SLC24A4: variants seen among roughly 807,000 people sequenced by gnomAD.
SLC24A4 encodes the protein sodium/potassium/calcium exchanger 4.
Under a neutral mutation model 79.0 loss-of-function variants are expected in SLC24A4, and 53 were observed. The observed-to-expected ratio is 0.67, with a 90% confidence interval of 0.54 to 0.84. The LOEUF (loss-of-function observed/expected upper bound fraction) is 0.84. Among genes scored for constraint, SLC24A4 ranks in the 40% least tolerant of loss-of-function variants. The pLI, the probability that SLC24A4 is intolerant of heterozygous loss-of-function variation, is 0.00. For synonymous variants in SLC24A4, 323 were observed against 323.8 expected, an observed-to-expected ratio of 1.00 and a Z score of 0.03; for missense variants, 731 against 822.0, an observed-to-expected ratio of 0.89 and a Z score of 1.35.
intron 2 of SLC24A4, among the ~76,000 whole-genome samples, chr14:92,382,857 G>T (rs1222127561): frequency 6.6e-6 from 1 of 152,196 alleles, no homozygotes; most frequent in African/African-American, 2.4e-5. Context: ...CCCTCCAGTG[G>T]CAGGCACAGG....
intron 5 of SLC24A4, 95 bp downstream of exon 5, chr14:92,442,268 T>G: frequency 1.1e-6 from 1 of 950,190 alleles, no homozygotes; most frequent in Non-Finnish European, 1.6e-6. Context: ...GCCTCAGTTT[T>G]CTCATCTGTA....
At chr14:92,412,722 T>C (rs1379393432) in intron 2 of SLC24A4, among the ~76,000 whole-genome samples, 1 of 152,070 alleles carries the variant, frequency 6.6e-6, no homozygotes, top group Non-Finnish European at 1.5e-5. Context: ...TCTGTTTCCA[T>C]GTTACTTCAA....
At chr14:92,408,495 G>A (rs1232852094) in intron 2 of SLC24A4, 1 of 920,180 alleles carries the variant, frequency 1.1e-6, no homozygotes, top group Non-Finnish European at 1.3e-6. Context: ...TGATGGCTGT[G>A]AGGAGTGAGC....
At chr14:92,420,947 A>G (rs12147406) in intron 2 of SLC24A4, among the ~76,000 whole-genome samples, 32,215 of 151,962 alleles carry the variant, frequency 0.21, 3,797 homozygotes, top group Non-Finnish European at 0.25. Context: ...CTACCTGAGA[A>G]TGGGTCCTGG....
Position 92,445,459 on chromosome 14 carries a change from C to T in SLC24A4, c.683+117C>T, listed in dbSNP as rs75378742. ...ATTTTTATAAACTTAAGCTTATTAA[C>T]TTGTGAAAGTGAAAAAAAGATATTC... On this transcript the variant is annotated intron_variant, in intron 8 of 16. Coordinates refer to ENST00000532405, the MANE Select transcript of SLC24A4 (RefSeq NM_153646.4). 2.7e-3 allele frequency: 3,066 copies of T among 1,126,006 alleles called. 69 individuals carry two copies. In the African/African-American group the frequency reaches 0.043, roughly 16 times the overall value. The allele number at this position is 1,126,006 out of a possible 1,614,324, so 69.8% of individuals were successfully genotyped here. A position where few individuals can be genotyped will look rare whatever the true frequency, so the allele number is the denominator to read the frequency against.
At chr14:92,447,472 G>C (rs1892866739) in intron 9 of SLC24A4, 48 bp downstream of exon 9, 9 of 1,527,046 alleles carry the variant, frequency 5.9e-6, no homozygotes, top group Middle Eastern at 1.7e-4. Context: ...TTGCCCCACT[G>C]CCTGCTACAG....
intron 2 of SLC24A4, among the ~76,000 whole-genome samples, chr14:92,355,815 G>T (rs72693192): frequency 4.2e-4 from 64 of 152,302 alleles, no homozygotes; most frequent in Non-Finnish European, 8.7e-4. Context: ...TACCCTGAGC[G>T]TGGTAGCTCG....
intron 2 of SLC24A4, among the ~76,000 whole-genome samples, chr14:92,362,785 T>C (rs1887610237): frequency 6.6e-6 from 1 of 152,252 alleles, no homozygotes; most frequent in African/African-American, 2.4e-5. Flanking sequence ...TGCCTGGGCT[T>C]GTGCTGGGTC....
chr14:92,346,763 A>G (rs1052699570), intron 2 of SLC24A4, among the ~76,000 whole-genome samples: 2 of 152,148 alleles, frequency 1.3e-5, no homozygotes, highest in Non-Finnish European at 2.9e-5. Context: ...TGAGGCTGTG[A>G]CCCAGACAGA....
intron 2 of SLC24A4, among the ~76,000 whole-genome samples, chr14:92,383,057 C>A (rs1888944760): frequency 6.6e-6 from 1 of 152,078 alleles, no homozygotes; most frequent in Non-Finnish European, 1.5e-5. Flanking sequence ...CACGTGTGGA[C>A]CCCTGAGTAG....
rs747743406 is a variant in SLC24A4, at chr14:92,493,615, G to A, written c.1856G>A (p.Arg619Gln). Residue 619 changes from arginine (R) to glutamine (Q), a missense_variant, in exon 17 of 17, where the codon CGG becomes CAG. Transcript: ENST00000532405. ...ACCTTCGTCAACTTGCCGATGTGCC[G>A]GGAAGACGATTAGCGCTGAGTCGCG... Reference protein sequence around the residue: ...VFTFVNLPMCREDD With the variant: ...VFTFVNLPMCQEDD The A allele has an allele frequency of 1.3e-5, 21 of 1,614,052 alleles. No homozygotes were observed. The highest frequency in any genetic ancestry group is 2.2e-5 in the East Asian group (1 of 44,878).
chr14:92,371,978 A>G (rs1480568228), intron 2 of SLC24A4, among the ~76,000 whole-genome samples: 1 of 15,048 alleles, frequency 6.6e-5, no homozygotes, highest in African/African-American at 7.2e-5. Flanking sequence ...TTCATCAGAC[A>G]CTTACTGACC....
At chr14:92,483,651 C>T (rs910515200) in intron 13 of SLC24A4, 12 of 1,076,402 alleles carry the variant, frequency 1.1e-5, no homozygotes, top group Middle Eastern at 2.9e-4. Context: ...TGGGCTGGGT[C>T]AGGCCACACA....
At chr14:92,492,025 T>C in intron 15 of SLC24A4, 150 bp from the exon 16 acceptor site, 1 of 757,862 alleles carries the variant, frequency 1.3e-6, no homozygotes, top group Non-Finnish European at 2.2e-6. Flanking sequence ...TGAATCCGTA[T>C]TTTCCTGACC....
At chr14:92,487,941 T>C (rs1197965736) in intron 14 of SLC24A4, among the ~76,000 whole-genome samples, 2 of 152,100 alleles carry the variant, frequency 1.3e-5, no homozygotes, top group African/African-American at 4.8e-5. Context: ...CACCGCATTC[T>C]TCCCTTGGTA....
chr14:92,402,204 T>A (rs1420748305), intron 2 of SLC24A4, among the ~76,000 whole-genome samples: 1 of 152,176 alleles, frequency 6.6e-6, no homozygotes, highest in Non-Finnish European at 1.5e-5. Flanking sequence ...TTGGTTCCCG[T>A]GGCTTCTAAA....
At chr14:92,466,859 C>T (rs1019791606) in intron 12 of SLC24A4, among the ~76,000 whole-genome samples, 17 of 152,222 alleles carry the variant, frequency 1.1e-4, no homozygotes, top group African/African-American at 2.4e-4. Flanking sequence ...TATGATGCTT[C>T]AGTCAGTCAC....
chr14:92,473,924 C>T (rs879919046), intron 12 of SLC24A4, among the ~76,000 whole-genome samples: 3 of 152,186 alleles, frequency 2.0e-5, no homozygotes, highest in Non-Finnish European at 4.4e-5. Flanking sequence ...ATCAGGGGAG[C>T]TGGGCTGGTT....
chr14:92,406,514 C>T (rs1890386606), intron 2 of SLC24A4, among the ~76,000 whole-genome samples: 1 of 152,220 alleles, frequency 6.6e-6, no homozygotes, highest in Non-Finnish European at 1.5e-5. Context: ...TCTGCCTGGA[C>T]ATCCAGGCAT....
Sources: gnomAD v4.1 joint callset for allele counts (sites outside exome capture counted in the v4.1 genomes callset) on GRCh38, gnomAD v4.1.1 for gene constraint, MANE v1.5 for transcripts, NCBI Gene and HGNC (gene_info 2026-07-23, HGNC 2026-07-21) for gene names.